WDR44: variants seen among roughly 807,000 people sequenced by gnomAD.
WDR44 encodes WD repeat-containing protein 44.
In WDR44, 9 loss-of-function variants were observed where a neutral mutation model predicts 65.7. That is an observed-to-expected ratio of 0.14 (90% CI 0.08 to 0.24). The LOEUF is 0.24. WDR44 is among the 10% of genes least tolerant of loss of function. WDR44 has a pLI of 1.00. For synonymous variants in WDR44, 220 were observed against 235.2 expected, an observed-to-expected ratio of 0.94 and a Z score of 0.59; for missense variants, 425 against 670.9, an observed-to-expected ratio of 0.63 and a Z score of 4.05.
intron 1 of WDR44, among the ~76,000 whole-genome samples, chrX:118,353,866 G>C (rs1453695347): frequency 2.7e-5 from 3 of 112,252 alleles, no homozygotes; most frequent in Non-Finnish European, 5.6e-5. Flanking sequence ...TAACAAAAAT[G>C]ATTTCTATAG....
chrX:118,426,154 G>T (rs1013313171), intron 12 of WDR44, among the ~76,000 whole-genome samples: 3 of 112,027 alleles, frequency 2.7e-5, no homozygotes, highest in Non-Finnish European at 3.8e-5. Context: ...TTTTAGGTAT[G>T]AGAATGGCAC....
chrX:118,370,188 G>A (rs910736959), intron 1 of WDR44, among the ~76,000 whole-genome samples: 1 of 112,304 alleles, frequency 8.9e-6, no homozygotes, highest in Non-Finnish European at 1.9e-5. Flanking sequence ...TGATAAAATT[G>A]CACAGCAAAG....
intron 1 of WDR44, among the ~76,000 whole-genome samples, chrX:118,375,004 T>C: frequency 8.9e-6 from 1 of 111,868 alleles, no homozygotes; most frequent in Middle Eastern, 4.6e-3. Context: ...TAAATTACTC[T>C]GTATAGTTTG....
chrX:118,440,110 A>AC (rs2057291391), intron 14 of WDR44, among the ~76,000 whole-genome samples: 1 of 80,810 alleles, frequency 1.2e-5, no homozygotes. Context: ...ACAAACTGAG[A>AC]CCCCATCACC....
At chrX:118,433,564 C>G (rs1219700483) in intron 13 of WDR44, among the ~76,000 whole-genome samples, 1 of 111,487 alleles carries the variant, frequency 9.0e-6, no homozygotes, top group Non-Finnish European at 1.9e-5. Flanking sequence ...CATTATGTGA[C>G]CTTGGGCAAG....
intron 1 of WDR44, among the ~76,000 whole-genome samples, chrX:118,370,774 A>G (rs7884245): frequency 0.27 from 28,785 of 108,420 alleles, 3,168 homozygotes; most frequent in African/African-American, 0.39. Flanking sequence ...AGTAGAGATG[A>G]GTTTTCACCA....
In WDR44 at chrX:118,392,579, G is replaced by A. The variant is rs755944266; in HGVS notation, c.187-53G>A. ...ACTATGTAAATGATTAGCTGTTACT[G>A]TGTTCTTATAAATAGCTTCATTTTT... On this transcript the variant is annotated intron_variant, in intron 3 of 19. Coordinates refer to ENST00000254029, the MANE Select transcript of WDR44 (RefSeq NM_019045.5). The A allele has an allele frequency of 8.8e-6, 9 of 1,027,100 alleles. No individual in the cohort carries two copies. The East Asian group carries it at 2.4e-4, about 28-fold the overall frequency. 84.6% of individuals were successfully genotyped at this position (1,027,100 alleles called of 1,213,427 possible). A position where few individuals can be genotyped will look rare whatever the true frequency, so the allele number is the denominator to read the frequency against.
intron 1 of WDR44, among the ~76,000 whole-genome samples, chrX:118,356,758 C>T (rs899825837): frequency 3.7e-5 from 4 of 108,521 alleles, no homozygotes; most frequent in Non-Finnish European, 7.6e-5. Context: ...TAAACTTGAT[C>T]TACATAGTGT....
intron 3 of WDR44, 101 bp downstream of exon 3, chrX:118,387,515 A>C (rs2056782176): frequency 2.2e-6 from 1 of 446,967 alleles, no homozygotes; most frequent in Non-Finnish European, 3.4e-6. Context: ...CGCTCTGTAC[A>C]TGGCTGATGT....
At chrX:118,438,035 A>AT (rs1569385189) in intron 14 of WDR44, among the ~76,000 whole-genome samples, 1 of 110,164 alleles carries the variant, frequency 9.1e-6, no homozygotes, top group Non-Finnish European at 1.9e-5. Flanking sequence ...CAAAATAAAA[A>AT]AAAAAAAAAG....
intron 1 of WDR44, among the ~76,000 whole-genome samples, chrX:118,349,529 AT>A (rs1334462407): frequency 1.9e-5 from 2 of 102,630 alleles, no homozygotes; most frequent in Non-Finnish European, 3.9e-5. Context: ...AGGTTTTCTC[AT>A]TTTTATCTTC....
intron 14 of WDR44, among the ~76,000 whole-genome samples, chrX:118,439,235 C>T (rs928194368): frequency 9.1e-6 from 1 of 109,409 alleles, no homozygotes; most frequent in African/African-American, 3.3e-5. Context: ...GGAAATATGA[C>T]TTTTATTATA....
At chrX:118,373,136 T>C (rs2056629103) in intron 1 of WDR44, among the ~76,000 whole-genome samples, 2 of 110,417 alleles carry the variant, frequency 1.8e-5, no homozygotes, top group South Asian at 7.7e-4. Context: ...AAGTGACCAC[T>C]TAAAGTGAGG....
Position 118,346,485 on chromosome X carries a change from C to A in WDR44, c.-19C>A. 4 of 1,206,616 alleles carry A rather than the reference C, an allele frequency of 3.3e-6. No homozygotes were observed. In the South Asian group the frequency reaches 7.0e-5, roughly 21 times the overall value. On this transcript the variant is annotated 5_prime_UTR_variant, in exon 1 of 20. Transcript: ENST00000254029. Reference sequence around the variant, plus strand: ...CTCCAGGCGGCGCCGGCCCCCTCACCCGCGGGTGTGTCCTATAAATGGCGT... The same window carrying A: ...CTCCAGGCGGCGCCGGCCCCCTCACACGCGGGTGTGTCCTATAAATGGCGT...
chrX:118,346,654 C>G, intron 1 of WDR44, 74 bp downstream of exon 1: 4 of 830,585 alleles, frequency 4.8e-6, no homozygotes, highest in Non-Finnish European at 6.7e-6. Flanking sequence ...CCCCCTACAC[C>G]CCTCCCAGGT....
chrX:118,393,392 C>T, intron 4 of WDR44, 121 bp downstream of exon 4: 1 of 757,210 alleles, frequency 1.3e-6, no homozygotes, highest in Non-Finnish European at 1.9e-6. Flanking sequence ...CCAGCCTGGG[C>T]AACATGGCAA....
intron 2 of WDR44, among the ~76,000 whole-genome samples, chrX:118,382,470 A>C (rs770186067): frequency 1.8e-5 from 2 of 112,260 alleles, no homozygotes; most frequent in Non-Finnish European, 3.8e-5. Context: ...AAAGAGTGGA[A>C]GTCACATTTA....
chrX:118,436,803 T>C lies in WDR44; in HGVS notation c.1953T>C (p.Thr651=). 1 of 1,186,624 alleles carries C rather than the reference T, an allele frequency of 8.4e-7. No individual in the cohort carries two copies. The highest frequency in any genetic ancestry group is 1.1e-6 in the Non-Finnish European group (1 of 881,522). The change falls in exon 14 of 20, where the codon ACT becomes ACC. Residue 651 remains threonine (T), a synonymous_variant. Coordinates refer to ENST00000254029, the MANE Select transcript of WDR44 (RefSeq NM_019045.5). ...GTTTTCAACATATAGATTTTGTCAC[T>C]GCCATAGCTTTTCATCCAAGAGTAA... ...LCCFQHIDFV[T]AIAFHPRDDR...
intron 7 of WDR44, among the ~76,000 whole-genome samples, chrX:118,397,419 A>G (rs2056874676): frequency 1.8e-5 from 2 of 111,220 alleles, no homozygotes; most frequent in South Asian, 7.5e-4. Context: ...TAATCCCAGC[A>G]CTTTAGGAGG....
Sources: allele counts gnomAD v4.1 joint callset (sites outside exome capture counted in the v4.1 genomes callset), GRCh38; gene constraint gnomAD v4.1.1; transcripts MANE v1.5; gene names NCBI Gene and HGNC (gene_info 2026-07-23, HGNC 2026-07-21).